ADCY2: variants seen among roughly 807,000 people sequenced by gnomAD.
The protein encoded by ADCY2 is adenylate cyclase type 2.
Under a neutral mutation model 125.2 loss-of-function variants are expected in ADCY2, and 31 were observed. The observed-to-expected ratio is 0.25, with a 90% CI of 0.19 to 0.33. The LOEUF (loss-of-function observed/expected upper bound fraction) is 0.33, where lower values mean the gene tolerates loss of function less well. ADCY2 is among the 10% of genes least tolerant of loss of function. The pLI is 1.00. For missense variants in ADCY2, 904 were observed against 1,418.2 expected, an observed-to-expected ratio of 0.64 and a Z score of 5.82; for synonymous variants, 512 against 548.4, an observed-to-expected ratio of 0.93 and a Z score of 0.93.
intron 3 of ADCY2, among the ~76,000 whole-genome samples, chr5:7,583,352 A>G (rs1736497204): frequency 6.6e-6 from 1 of 152,130 alleles, no homozygotes. Context: ...TAATATTTAT[A>G]TTGAAATACA....
At chr5:7,577,697 T>C (rs1736292531) in intron 3 of ADCY2, among the ~76,000 whole-genome samples, 1 of 151,988 alleles carries the variant, frequency 6.6e-6, no homozygotes, top group South Asian at 2.1e-4. Flanking sequence ...GTGTTAATGA[T>C]AATAATAATA....
At chr5:7,788,267 C>A (rs1483427809) in intron 19 of ADCY2, among the ~76,000 whole-genome samples, 2 of 152,192 alleles carry the variant, frequency 1.3e-5, no homozygotes, top group Non-Finnish European at 2.9e-5. Flanking sequence ...GCAACCTCCA[C>A]CTCCTGGGTT....
intron 2 of ADCY2, among the ~76,000 whole-genome samples, chr5:7,425,523 A>C (rs1405877392): frequency 6.6e-6 from 1 of 152,294 alleles, no homozygotes; most frequent in Non-Finnish European, 1.5e-5. Context: ...AGTGAATTAT[A>C]GACTTCAGGC....
chr5:7,761,383 C>T (rs111647927), intron 16 of ADCY2, among the ~76,000 whole-genome samples: 1,943 of 152,078 alleles, frequency 0.013, 45 homozygotes, highest in African/African-American at 0.041. Flanking sequence ...CTCCTTACCG[C>T]GTGATCCACT....
At chr5:7,785,693 T>C (rs1473977683) in intron 19 of ADCY2, among the ~76,000 whole-genome samples, 2 of 152,202 alleles carry the variant, frequency 1.3e-5, no homozygotes, top group African/African-American at 4.8e-5. Context: ...CCTTGAATAA[T>C]ATCACCTAGA....
chr5:7,711,858 T>C (rs1255277949), intron 10 of ADCY2, among the ~76,000 whole-genome samples: 1 of 152,216 alleles, frequency 6.6e-6, no homozygotes, highest in African/African-American at 2.4e-5. Context: ...AAGCCCCAAG[T>C]TTTTGGTGAT....
Position 7,555,858 on chromosome 5 carries a change from A to G in ADCY2, c.570+34959A>G, listed in dbSNP as rs973424490. ...CTTTTACAGACACATGTGAGCGCAC[A>G]CACACACACACACACACACACACAC... On this transcript the variant is annotated intron_variant, in intron 3 of 24. Coordinates refer to ENST00000338316, the MANE Select transcript of ADCY2 (RefSeq NM_020546.3). Among the ~76,000 whole-genome samples the G allele has an allele frequency of 5.5e-5, 8 of 145,040 alleles. 1 individual carries two copies. The South Asian group carries it at 1.6e-3, about 28-fold the overall frequency.
intron 16 of ADCY2, among the ~76,000 whole-genome samples, chr5:7,760,599 T>TAC (rs1743164621): frequency 6.6e-6 from 1 of 152,238 alleles, no homozygotes; most frequent in African/African-American, 2.4e-5. Flanking sequence ...TAATATCATA[T>TAC]ACACACACGT....
At chr5:7,449,783 G>C (rs1741405555) in intron 2 of ADCY2, among the ~76,000 whole-genome samples, 1 of 152,100 alleles carries the variant, frequency 6.6e-6, no homozygotes, top group African/African-American at 2.4e-5. Context: ...AAGTCTGTTG[G>C]TGCCATTTTT....
rs1206389846 is a variant in ADCY2 at position 7,396,589 on chromosome 5, GGGCTGCCCCTCGGCCCGC to G, written c.210+87_210+104del. 8.2e-6 allele frequency: 10 copies of G among 1,217,142 alleles called. No individual in the cohort carries two copies. Among genetic ancestry groups the G allele is most frequent in the East Asian group, 3.4e-5 (1 of 28,996 alleles). The allele number at this position is 1,217,142 out of a possible 1,614,324, so 75.4% of individuals were successfully genotyped here. A position where few individuals can be genotyped will look rare whatever the true frequency, so the allele number is the denominator to read the frequency against. Reference sequence around the variant, plus strand: ...GGCCAGCCGAGCCGCGTCCCGCTCCGGGCTGCCCCTCGGCCCGCGGCAGCCCCTCGGCCCGCGGCAGCC... The same window carrying G: ...GGCCAGCCGAGCCGCGTCCCGCTCCGGGCAGCCCCTCGGCCCGCGGCAGCC... On this transcript the variant is annotated intron_variant, in intron 1 of 24. Transcript: ENST00000338316. The surrounding 1 kb of genome is among the most constrained non-coding windows in gnomAD (Gnocchi z 5.7).
Position 7,452,322 on chromosome 5 carries a change from T to G in ADCY2, c.408+37552T>G, listed in dbSNP as rs142024116. Among the ~76,000 whole-genome samples, 30 of 152,324 alleles carry G rather than the reference T, an allele frequency of 2.0e-4. No homozygotes were observed. In the East Asian group the frequency reaches 5.4e-3, roughly 27 times the overall value. ...GCCTTTGCACACTCATAGCTTAGCT[T>G]CCACTGTATGTTATAAGTGAGAACA... On this transcript the variant is annotated intron_variant, in intron 2 of 24. Transcript: ENST00000338316.
chr5:7,673,715 C>T (rs965982018), intron 4 of ADCY2, among the ~76,000 whole-genome samples: 6 of 152,098 alleles, frequency 3.9e-5, no homozygotes, highest in African/African-American at 1.4e-4. Flanking sequence ...TGCAGCCCCG[C>T]AGGAAAGCCA....
chr5:7,505,817 C>T (rs192229354), intron 2 of ADCY2, among the ~76,000 whole-genome samples: 287 of 152,242 alleles, frequency 1.9e-3, no homozygotes, highest in Non-Finnish European at 3.2e-3. Context: ...ATGAATAATT[C>T]ACTCATTTTC....
At chr5:7,408,608 T>C (rs1739591927) in intron 1 of ADCY2, among the ~76,000 whole-genome samples, 1 of 151,952 alleles carries the variant, frequency 6.6e-6, no homozygotes, top group African/African-American at 2.4e-5. Context: ...TCTTGGGTGA[T>C]CTACCCACCG....
chr5:7,612,540 T>C (rs1223496389), intron 3 of ADCY2, among the ~76,000 whole-genome samples: 2 of 152,316 alleles, frequency 1.3e-5, no homozygotes, highest in South Asian at 2.1e-4. Flanking sequence ...CACTGGAGTT[T>C]ATTCTACCCT....
At chr5:7,788,260 A>T (rs1336915423) in intron 19 of ADCY2, among the ~76,000 whole-genome samples, 1 of 152,022 alleles carries the variant, frequency 6.6e-6, no homozygotes. Flanking sequence ...GCTCCCTGCA[A>T]CCTCCACCTC....
intron 23 of ADCY2, 94 bp downstream of exon 23, chr5:7,817,074 A>T: frequency 1.1e-6 from 1 of 934,342 alleles, no homozygotes; most frequent in South Asian, 1.5e-5. Context: ...TCAGTGTTGG[A>T]GTAGAACAAT....
At chr5:7,551,499 A>G (rs1162529980) in intron 3 of ADCY2, among the ~76,000 whole-genome samples, 2 of 152,192 alleles carry the variant, frequency 1.3e-5, no homozygotes, top group African/African-American at 4.8e-5. Context: ...GCTTCCATAT[A>G]AAGACTCAAA....
chr5:7,794,872 A>G (rs975950106), intron 20 of ADCY2: 4 of 152,050 alleles, frequency 2.6e-5, no homozygotes, highest in Non-Finnish European at 5.9e-5. Flanking sequence ...GAGTGTAGCT[A>G]TCATCAAGGT....
Sources: gnomAD v4.1 joint callset for allele counts (sites outside exome capture counted in the v4.1 genomes callset) on GRCh38, gnomAD v4.1.1 for gene constraint, Gnocchi (gnomAD v3.1) non-coding constraint, MANE v1.5 for transcripts, NCBI Gene and HGNC (gene_info 2026-07-23, HGNC 2026-07-21) for gene names.